The following AGFG1 variants were observed in gnomAD, a reference collection of about 807,000 sequenced individuals.
AGFG1 encodes the protein arf-GAP domain and FG repeat-containing protein 1.
A neutral mutation model predicts 60.6 loss-of-function variants in AGFG1; 10 were observed. The observed-to-expected ratio is 0.16, with a 90% CI of 0.10 to 0.28. AGFG1 has a LOEUF of 0.28. Ranked by LOEUF, AGFG1 falls within the 10% of genes least tolerant of loss-of-function variation. The probability of loss-of-function intolerance (pLI) is 1.00; values close to 1 mark genes in which losing one functional copy is unlikely to be tolerated. For synonymous variants in AGFG1, 247 were observed against 242.9 expected (o/e 1.02, Z -0.16); for missense variants, 537 against 676.5 (o/e 0.79, Z 2.29).
chr2:227,500,689 C>G (rs1472231168), intron 2 of AGFG1, among the ~76,000 whole-genome samples: 1 of 152,200 alleles, frequency 6.6e-6, no homozygotes, highest in African/African-American at 2.4e-5. Flanking sequence ...ATCCATTCAT[C>G]AGTCCATCTG....
chr2:227,550,068 G>T, intron 10 of AGFG1: 1 of 451,330 alleles, frequency 2.2e-6, no homozygotes, highest in Non-Finnish European at 4.6e-6. Flanking sequence ...GGCCTTTCTG[G>T]AGCAATGCAT....
At chr2:227,473,317 G>A (rs1040154650) in intron 1 of AGFG1, among the ~76,000 whole-genome samples, 1 of 152,190 alleles carries the variant, frequency 6.6e-6, no homozygotes, top group Non-Finnish European at 1.5e-5. Flanking sequence ...ATGGTCCGAA[G>A]AGAGTGTTGA....
At chr2:227,547,773 C>T (rs1368175261) in intron 10 of AGFG1, among the ~76,000 whole-genome samples, 1 of 152,160 alleles carries the variant, frequency 6.6e-6, no homozygotes, top group Non-Finnish European at 1.5e-5. Context: ...CCTTGGAAAA[C>T]ATTTTGGCAG....
At chr2:227,492,508 C>T (rs1221442889) in intron 2 of AGFG1, among the ~76,000 whole-genome samples, 1 of 151,912 alleles carries the variant, frequency 6.6e-6, no homozygotes, top group Non-Finnish European at 1.5e-5. Context: ...TAGTTTTAAT[C>T]TTCTCCTTGG....
At chr2:227,503,265 G>A (rs1052406892) in intron 2 of AGFG1, among the ~76,000 whole-genome samples, 1 of 150,990 alleles carries the variant, frequency 6.6e-6, no homozygotes, top group African/African-American at 2.4e-5. Flanking sequence ...AGAAATGACC[G>A]TATAATTACG....
intron 1 of AGFG1, among the ~76,000 whole-genome samples, chr2:227,490,964 ACT>A (rs1690800158): frequency 6.6e-6 from 1 of 152,144 alleles, no homozygotes; most frequent in Non-Finnish European, 1.5e-5. Context: ...TCTTGTACAC[ACT>A]GTCTTTTGAG....
intron 5 of AGFG1, among the ~76,000 whole-genome samples, chr2:227,530,844 A>G (rs763538156): frequency 6.6e-5 from 10 of 152,244 alleles, no homozygotes; most frequent in Non-Finnish European, 1.5e-4. Flanking sequence ...GAGGTCATAT[A>G]CAGAGTATTG....
At chr2:227,551,888 A>G (rs1436328851) in intron 10 of AGFG1, 71 bp from the exon 11 acceptor site, 3 of 1,515,462 alleles carry the variant, frequency 2.0e-6, no homozygotes, top group Non-Finnish European at 2.7e-6. Context: ...ATGTCTTTTT[A>G]CATTTACAAT....
chr2:227,502,447 A>C (rs1691187932), intron 2 of AGFG1, among the ~76,000 whole-genome samples: 3 of 152,012 alleles, frequency 2.0e-5, no homozygotes, highest in African/African-American at 7.3e-5. Flanking sequence ...CAGCCTCCCG[A>C]GTAGCTAGGA....
In AGFG1 at chr2:227,491,657, T is replaced by G. The variant is rs1156424815; in HGVS notation, c.261+17T>G. The G allele has an allele frequency of 6.7e-7, 1 of 1,497,630 alleles. No homozygotes were observed. Among genetic ancestry groups the G allele is most frequent in the East Asian group, 2.4e-5 (1 of 42,432 alleles). The allele number at this position is 1,497,630 out of a possible 1,614,324, so 92.8% of individuals were successfully genotyped here. On this transcript the variant is annotated intron_variant, in intron 2 of 12. Coordinates refer to ENST00000310078, the MANE Select transcript of AGFG1 (RefSeq NM_004504.5). ...GGAAATGAAGTAAGTGGTTTTTTTTTTTTTTTGCAATTTTTGACTTTTTTG... is the reference window on the plus strand; with the variant it reads ...GGAAATGAAGTAAGTGGTTTTTTTTGTTTTTTGCAATTTTTGACTTTTTTG...
At chr2:227,540,670 C>G (rs143368602) in intron 10 of AGFG1, among the ~76,000 whole-genome samples, 2,261 of 152,256 alleles carry the variant, frequency 0.015, 52 homozygotes, top group African/African-American at 0.051. Flanking sequence ...GTGCATGTGT[C>G]TTTATAGCAG....
chr2:227,514,301 T>C (rs1054444908), intron 2 of AGFG1, among the ~76,000 whole-genome samples: 11 of 152,168 alleles, frequency 7.2e-5, no homozygotes, highest in African/African-American at 2.2e-4. Flanking sequence ...ACCTTCTGCC[T>C]CCCGGGCTCA....
In AGFG1 at chr2:227,519,953, TA is replaced by T; in HGVS notation, c.270del (p.Lys90AsnfsTer5). ...FLQKHGNEVC[K>X]QIWLGLFDDR... is the part of the protein sequence containing the mutation. ...TTTTTTAATTCTTTCCAAAGGTCTG[TA>T]AACAGATTTGGCTAGGATTATTTGA... is the stretch of plus-strand genomic sequence containing the variant. On this transcript the variant is annotated frameshift_variant, in exon 3 of 13. Transcript: ENST00000310078. LOFTEE classifies it high-confidence loss of function. 6.3e-7 allele frequency: 1 copy of T among 1,578,536 alleles called. No homozygotes were observed. The highest frequency in any genetic ancestry group is 8.6e-7 in the Non-Finnish European group (1 of 1,165,128).
intron 2 of AGFG1, among the ~76,000 whole-genome samples, chr2:227,514,751 AAG>A (rs375152191): frequency 5.9e-5 from 9 of 152,078 alleles, no homozygotes; most frequent in African/African-American, 2.2e-4. Flanking sequence ...CCTCCCCCAA[AAG>A]AGACCATCAA....
chr2:227,481,494 T>TG (rs1690462730), intron 1 of AGFG1, among the ~76,000 whole-genome samples: 1 of 152,344 alleles, frequency 6.6e-6, no homozygotes, highest in African/African-American at 2.4e-5. Flanking sequence ...ATATGTCCTG[T>TG]GGTGGGAATC....
At chr2:227,515,289 C>T (rs767322224) in intron 2 of AGFG1, among the ~76,000 whole-genome samples, 23 of 152,102 alleles carry the variant, frequency 1.5e-4, no homozygotes, top group South Asian at 1.0e-3. Flanking sequence ...CCAGTATCCA[C>T]GTAGATATCT....
intron 2 of AGFG1, among the ~76,000 whole-genome samples, chr2:227,509,473 A>G (rs1162277119): frequency 6.6e-6 from 1 of 152,178 alleles, no homozygotes; most frequent in Non-Finnish European, 1.5e-5. Flanking sequence ...TAGATCAGAT[A>G]ATATAAAATA....
intron 11 of AGFG1, 115 bp downstream of exon 11, chr2:227,552,232 G>C (rs991002300): frequency 5.3e-5 from 65 of 1,225,466 alleles, no homozygotes; most frequent in Non-Finnish European, 6.7e-5. Flanking sequence ...ATTATCTACT[G>C]AGTGTTTACA....
chr2:227,487,348 A>G (rs1257122441), intron 1 of AGFG1, among the ~76,000 whole-genome samples: 1 of 151,972 alleles, frequency 6.6e-6, no homozygotes, highest in South Asian at 2.1e-4. Flanking sequence ...CGTCACTTAT[A>G]TACAAGACCT....
Sources: gnomAD v4.1 joint callset for allele counts (sites outside exome capture counted in the v4.1 genomes callset) on GRCh38, gnomAD v4.1.1 for gene constraint, MANE v1.5 for transcripts, NCBI Gene and HGNC (gene_info 2026-07-23, HGNC 2026-07-21) for gene names.